The following SMPDL3A variants were observed in gnomAD, a reference collection of about 807,000 sequenced individuals.
The protein encoded by SMPDL3A is sphingomyelin phosphodiesterase acid like 3A.
In SMPDL3A, 39 loss-of-function variants were observed where a neutral mutation model predicts 38.5. The ratio of observed to expected loss-of-function variants is 1.01; its 90% CI spans 0.78 to 1.32. SMPDL3A has a LOEUF of 1.32. Among genes scored for constraint, SMPDL3A ranks in the 40% most tolerant of loss-of-function variants. The pLI is 0.00. For synonymous variants in SMPDL3A, 180 were observed against 194.3 expected, an observed-to-expected ratio of 0.93 and a Z score of 0.61; for missense variants, 502 against 536.2, an observed-to-expected ratio of 0.94 and a Z score of 0.63.
chr6:122,793,298 CTAT>C (rs151135171), intron 1 of SMPDL3A, among the ~76,000 whole-genome samples: 4,253 of 152,184 alleles, frequency 0.028, 68 homozygotes, highest in South Asian at 0.067. Flanking sequence ...ACAGTAGGCA[CTAT>C]TATTATTCCC....
rs1473043899 is a variant in SMPDL3A, at chr6:122,806,362, G to A, written c.1044+5G>A. On this transcript the variant is annotated splice_donor_5th_base_variant and intron_variant, in intron 7 of 7. Transcript: ENST00000368440. Reference sequence around the variant, plus strand: ...CCTCGTGATTATAAATTATTGGTAAGTTGGCAGATTTCAGAGCTGACCCCA... The same window carrying A: ...CCTCGTGATTATAAATTATTGGTAAATTGGCAGATTTCAGAGCTGACCCCA... 18 of 1,599,996 alleles carry A rather than the reference G, an allele frequency of 1.1e-5. No homozygotes were observed. Among genetic ancestry groups the A allele is most frequent in the Admixed American group, 8.5e-5 (5 of 58,982 alleles).
intron 7 of SMPDL3A, 136 bp from the exon 8 acceptor site, chr6:122,808,955 A>G: frequency 1.5e-6 from 1 of 688,802 alleles, no homozygotes; most frequent in Non-Finnish European, 2.4e-6. Flanking sequence ...CAGCCTCTCA[A>G]AGTGCTAGGA....
chr6:122,809,415 A>G lies in SMPDL3A; in HGVS notation c.*7A>G, dbSNP rs2115180409. 2 of 1,581,732 alleles carry G rather than the reference A, an allele frequency of 1.3e-6. No individual in the cohort carries two copies. Among genetic ancestry groups the G allele is most frequent in the Non-Finnish European group, 1.7e-6 (2 of 1,158,212 alleles). On this transcript the variant is annotated 3_prime_UTR_variant, in exon 8 of 8. Transcript: ENST00000368440. ...TATAAAGCACAATTACTAGTATTTC[A>G]CAGTTTTTGCTAATAGAAAATGCTG...
chr6:122,790,164 G>A (rs1351741366), intron 1 of SMPDL3A, among the ~76,000 whole-genome samples: 3 of 152,254 alleles, frequency 2.0e-5, no homozygotes, highest in African/African-American at 7.2e-5. Context: ...GCCCTGGACC[G>A]GTGGCAGCAG....
chr6:122,791,055 A>G (rs1351563082), intron 1 of SMPDL3A, among the ~76,000 whole-genome samples: 1 of 152,192 alleles, frequency 6.6e-6, no homozygotes, highest in East Asian at 1.9e-4. Flanking sequence ...CTTGTTTGTA[A>G]TATTTTGCGT....
At chr6:122,799,914 CAATT>C (rs956659830) in intron 3 of SMPDL3A, among the ~76,000 whole-genome samples, 1 of 148,860 alleles carries the variant, frequency 6.7e-6, no homozygotes, top group African/African-American at 2.5e-5. Flanking sequence ...AAATTAAAAA[CAATT>C]ATCCAATTCA....
In SMPDL3A at chr6:122,806,505, A is replaced by G. The variant is rs1216224968; in HGVS notation, c.1044+148A>G. On this transcript the variant is annotated intron_variant, in intron 7 of 7. Transcript: ENST00000368440. ...ATCCTTCTTCTTTTTTATACTTGCAATGTTATCAGGACTTACTAAGTGTGA... is the reference window on the plus strand; with the variant it reads ...ATCCTTCTTCTTTTTTATACTTGCAGTGTTATCAGGACTTACTAAGTGTGA... 3.3e-5 allele frequency: 27 copies of G among 821,502 alleles called. No homozygotes were observed. In the East Asian group the frequency reaches 5.5e-4, roughly 17 times the overall value. 50.9% of individuals were successfully genotyped at this position (821,502 alleles called of 1,614,324 possible). A position where few individuals can be genotyped will look rare whatever the true frequency, so the allele number is the denominator to read the frequency against.
intron 1 of SMPDL3A, 60 bp downstream of exon 1, chr6:122,789,518 G>A (rs959454161): frequency 2.8e-6 from 4 of 1,412,944 alleles, no homozygotes; most frequent in South Asian, 1.2e-5. Flanking sequence ...GGCGGCGCCT[G>A]CGCACAGCAG....
rs766036687 is a variant in SMPDL3A, at chr6:122,809,569, A to T, written c.*161A>T. The T allele has an allele frequency of 1.6e-5, 9 of 568,806 alleles. No homozygotes were observed. Among genetic ancestry groups the T allele is most frequent in the Non-Finnish European group, 2.2e-5 (7 of 322,310 alleles). 35.2% of individuals were successfully genotyped at this position (568,806 alleles called of 1,614,324 possible). A position where few individuals can be genotyped will look rare whatever the true frequency, so the allele number is the denominator to read the frequency against. On this transcript the variant is annotated 3_prime_UTR_variant, in exon 8 of 8. Transcript: ENST00000368440. ...TTGATGCCTTAATGTAGATATCTTT[A>T]TCATTCTGAATTGTATTATATATTT... is the stretch of plus-strand genomic sequence containing the variant.
chr6:122,808,632 T>A (rs1055783203), intron 7 of SMPDL3A, among the ~76,000 whole-genome samples: 1 of 82,356 alleles, frequency 1.2e-5, no homozygotes, highest in African/African-American at 5.8e-5. Flanking sequence ...CCTTCCTTCC[T>A]TCCTTCCTTC....
At chr6:122,797,029 T>G in intron 3 of SMPDL3A, 61 bp downstream of exon 3, 1 of 1,418,622 alleles carries the variant, frequency 7.0e-7, no homozygotes, top group Non-Finnish European at 9.9e-7. Context: ...GTGTCAAAAT[T>G]GTGACAATAA....
At position 122,792,586 on chromosome 6, in the gene SMPDL3A, AGTATCTCGAGTGTAGATATT is replaced by A. The variant is rs559363586; in HGVS notation, c.113-3088_113-3069del. ...TAGTCTCTTTTCCCCTAATCTTCAC[AGTATCTCGAGTGTAGATATT>A]GTCGTTATCTGTTTTCTTTCTTCTT... On this transcript the variant is annotated intron_variant, in intron 1 of 7. Coordinates refer to ENST00000368440, the MANE Select transcript of SMPDL3A (RefSeq NM_006714.5). 3.7e-3 allele frequency among the ~76,000 whole-genome samples: 559 copies of A among 151,056 alleles called. 6 individuals are homozygous for A. Among genetic ancestry groups the A allele is most frequent in the African/African-American group, 0.013 (533 of 41,216 alleles).
chr6:122,801,752 C>T (rs1175837339), intron 4 of SMPDL3A, among the ~76,000 whole-genome samples: 1 of 152,194 alleles, frequency 6.6e-6, no homozygotes, highest in East Asian at 1.9e-4. Context: ...AACTTCTAAC[C>T]AAGCAGCACA....
chr6:122,789,517 T>C lies in SMPDL3A; in HGVS notation c.112+59T>C. On this transcript the variant is annotated intron_variant, in intron 1 of 7. Coordinates refer to ENST00000368440, the MANE Select transcript of SMPDL3A (RefSeq NM_006714.5). ...GCAAAGAGCGCGGAGCGGCGGCGCC[T>C]GCGCACAGCAGGAGAAAGTGCGTGG... The C allele has an allele frequency of 2.1e-6, 3 of 1,415,550 alleles. No homozygotes were observed. The South Asian group carries it at 3.7e-5, about 18-fold the overall frequency. The allele number at this position is 1,415,550 out of a possible 1,614,324, so 87.7% of individuals were successfully genotyped here.
intron 1 of SMPDL3A, 110 bp downstream of exon 1, chr6:122,789,568 G>A: frequency 1.9e-6 from 2 of 1,029,372 alleles, no homozygotes; most frequent in Non-Finnish European, 2.9e-6. Flanking sequence ...GCAGAGGCTC[G>A]GGCTAGCGGG....
intron 7 of SMPDL3A, among the ~76,000 whole-genome samples, chr6:122,808,635 CTTCCT>C (rs1781735980): frequency 1.6e-5 from 1 of 62,340 alleles, no homozygotes; most frequent in Non-Finnish European, 3.3e-5. Context: ...TCCTTCCTTC[CTTCCT>C]TCCCCCCCTC....
chr6:122,805,065 A>G lies in SMPDL3A; in HGVS notation c.895A>G (p.Ile299Val), dbSNP rs527900500. Residue 299 changes from isoleucine (I) to valine (V), a missense_variant, in exon 6 of 8, where the codon ATT (isoleucine) becomes GTT (valine). Transcript: ENST00000368440. ...QFYGHTHRDS[I>V]MVLSDKKGSP... Reference sequence around the variant, plus strand: ...TTATGGACACACTCACAGAGACAGCATTATGGTTCTTTCAGATAAAAAAGG... The same window carrying G: ...TTATGGACACACTCACAGAGACAGCGTTATGGTTCTTTCAGATAAAAAAGG... 6.2e-6 allele frequency: 10 copies of G among 1,605,584 alleles called. No individual in the cohort carries two copies. The African/African-American group carries it at 9.4e-5, about 15-fold the overall frequency.
chr6:122,795,434 C>T (rs992850624), intron 1 of SMPDL3A, among the ~76,000 whole-genome samples: 2 of 152,018 alleles, frequency 1.3e-5, no homozygotes, highest in African/African-American at 2.4e-5. Flanking sequence ...TGAGCCACCG[C>T]GCCCGGCCTG....
chr6:122,805,705 C>T (rs951936990), intron 6 of SMPDL3A, among the ~76,000 whole-genome samples: 2 of 152,200 alleles, frequency 1.3e-5, no homozygotes, highest in African/African-American at 2.4e-5. Context: ...TCACTGCAAC[C>T]TCTGCCTCCC....
Sources: gnomAD v4.1 joint callset for allele counts (sites outside exome capture counted in the v4.1 genomes callset) on GRCh38, gnomAD v4.1.1 for gene constraint, MANE v1.5 for transcripts, NCBI Gene and HGNC (gene_info 2026-07-23, HGNC 2026-07-21) for gene names.